RALGDS: variants seen among roughly 807,000 people sequenced by gnomAD.
The protein encoded by RALGDS is ral guanine nucleotide dissociation stimulator.
A neutral mutation model predicts 99.8 loss-of-function variants in RALGDS; 44 were observed. The ratio of observed to expected loss-of-function variants is 0.44; its 90% CI spans 0.35 to 0.57. RALGDS has a LOEUF of 0.57. RALGDS is among the 20% of genes least tolerant of loss of function. The pLI is 0.01. For synonymous variants in RALGDS, 529 were observed against 505.0 expected (o/e 1.05, Z -0.64); for missense variants, 1,022 against 1,203.1 (o/e 0.85, Z 2.23).
chr9:133,098,808 C>T (rs1406260983), intron 17 of RALGDS, 46 bp from the exon 18 acceptor site: 3 of 1,591,710 alleles, frequency 1.9e-6, no homozygotes, highest in African/African-American at 1.3e-5. Context: ...TCCTGGGGGC[C>T]CTGCAGGATA....
intron 4 of RALGDS, 121 bp downstream of exon 4, chr9:133,109,505 C>A: frequency 1.1e-6 from 1 of 922,488 alleles, no homozygotes; most frequent in South Asian, 1.3e-5. Context: ...TAGCAGGAAC[C>A]ACAAGAGGTG....
At chr9:133,148,596 G>A (rs1832665108) in intron 1 of RALGDS, among the ~76,000 whole-genome samples, 1 of 152,268 alleles carries the variant, frequency 6.6e-6, no homozygotes, top group African/African-American at 2.4e-5. Flanking sequence ...GCCTGCGCCT[G>A]TACGTGCGCG....
At chr9:133,125,794 C>T (rs1832132911), upstream of RALGDS, among the ~76,000 whole-genome samples, 1 of 152,176 alleles carries the variant, frequency 6.6e-6, no homozygotes, top group Admixed American at 6.5e-5. Flanking sequence ...CTGAGGCTCC[C>T]AGCAGTCCTC....
At chr9:133,120,881 C>T in intron 1 of RALGDS, 91 bp downstream of exon 1, 2 of 1,318,348 alleles carry the variant, frequency 1.5e-6, no homozygotes, top group Non-Finnish European at 9.8e-7. Context: ...GATCGCCCGG[C>T]CCCGTCCGGG....
At chr9:133,106,959 G>C in intron 7 of RALGDS, 126 bp downstream of exon 7, 1 of 1,094,660 alleles carries the variant, frequency 9.1e-7, no homozygotes, top group Non-Finnish European at 1.4e-6. Context: ...CAGTGGGCTG[G>C]GAGAGTCAAG....
intron 1 of RALGDS, among the ~76,000 whole-genome samples, chr9:133,113,113 G>T (rs745805568): frequency 2.6e-5 from 4 of 152,190 alleles, no homozygotes; most frequent in African/African-American, 4.8e-5. Flanking sequence ...GTCCAGGGAC[G>T]GAATGAGCTT....
At chr9:133,121,626 C>T (rs1330507006), upstream of RALGDS, among the ~76,000 whole-genome samples, 1 of 152,220 alleles carries the variant, frequency 6.6e-6, no homozygotes, top group Non-Finnish European at 1.5e-5. Context: ...GAGTCAGCTA[C>T]CCCGAATTCC....
rs546483647 is a variant in RALGDS, at chr9:133,117,468, G to A, written c.183+3504C>T. 9.2e-5 allele frequency among the ~76,000 whole-genome samples: 14 copies of A among 152,312 alleles called. No homozygotes were observed. The East Asian group carries it at 2.3e-3, about 25-fold the overall frequency. On this transcript the variant is annotated intron_variant, in intron 1 of 17. Coordinates refer to ENST00000372050, the MANE Select transcript of RALGDS (RefSeq NM_006266.4). ...TGCAAGCTTCCCCATGGAGGAAAAC[G>A]CCAAAACCCTCCAACGCAGGTGTCC...
At chr9:133,107,959 CCCCTG>C (rs1831153236) in intron 6 of RALGDS, 24 bp downstream of exon 6, 2 of 1,611,556 alleles carry the variant, frequency 1.2e-6, no homozygotes, top group Non-Finnish European at 1.7e-6. Context: ...GGCAGGCCCA[CCCCTG>C]CCCTGCCAAG....
At chr9:133,122,001 G>C (rs959009259), upstream of RALGDS, among the ~76,000 whole-genome samples, 6 of 152,264 alleles carry the variant, frequency 3.9e-5, no homozygotes, top group Non-Finnish European at 8.8e-5. Flanking sequence ...AGCCAGGGAG[G>C]TGGGGGAGAG....
intron 17 of RALGDS, 65 bp downstream of exon 17, chr9:133,100,203 A>C: frequency 2.1e-6 from 3 of 1,456,470 alleles, no homozygotes; most frequent in Admixed American, 3.3e-5. Flanking sequence ...AAGGCTTCCA[A>C]CCTGGGGCTG....
At chr9:133,104,820 T>TA (rs1016539856) in intron 9 of RALGDS, among the ~76,000 whole-genome samples, 1 of 151,924 alleles carries the variant, frequency 6.6e-6, no homozygotes, top group African/African-American at 2.4e-5. Flanking sequence ...TCTAAACAAA[T>TA]AAAAAAACTC....
intron 1 of RALGDS, among the ~76,000 whole-genome samples, chr9:133,118,825 C>T (rs1011648031): frequency 6.6e-6 from 1 of 152,194 alleles, no homozygotes; most frequent in Non-Finnish European, 1.5e-5. Flanking sequence ...ATCCTGGCTG[C>T]GGCCCTTGCT....
At chr9:133,111,077 G>T (rs1004886373) in intron 2 of RALGDS, among the ~76,000 whole-genome samples, 1 of 152,122 alleles carries the variant, frequency 6.6e-6, no homozygotes, top group African/African-American at 2.4e-5. Context: ...CTAAAAGAGT[G>T]AAAAAATTTT....
chr9:133,104,262 C>T lies in RALGDS; in HGVS notation c.1671+1G>A. On this transcript the variant is annotated splice_donor_variant, in intron 10 of 17. Coordinates refer to ENST00000372050, the MANE Select transcript of RALGDS (RefSeq NM_006266.4). LOFTEE classifies it high-confidence loss of function. The stretch of plus-strand genomic sequence containing the variant: ...CCCTCCGCGGCCTTGGGCACTCTCA[C>T]CGTCTCCTTCGGCCGTTTCTGGGCT... 2 of 1,613,314 alleles carry T rather than the reference C, an allele frequency of 1.2e-6. No homozygotes were observed. The highest frequency in any genetic ancestry group is 1.7e-6 in the Non-Finnish European group (2 of 1,179,298).
chr9:133,107,004 T>C (rs2301577), intron 7 of RALGDS, 81 bp downstream of exon 7: 405,687 of 1,485,848 alleles, frequency 0.27, 58,639 homozygotes, highest in Middle Eastern at 0.33. Flanking sequence ...GACTGGGGCC[T>C]GTACAGGGCC....
chr9:133,118,022 C>T (rs1451345563), intron 1 of RALGDS, among the ~76,000 whole-genome samples: 1 of 152,212 alleles, frequency 6.6e-6, no homozygotes, highest in Non-Finnish European at 1.5e-5. Flanking sequence ...TCCCGGGAAA[C>T]AGGCCAGCAT....
At position 133,102,971 on chromosome 9, in the gene RALGDS, T is replaced by C. The variant is rs1830833463; in HGVS notation, c.1792-71A>G. The C allele has an allele frequency of 2.5e-6, 4 of 1,595,666 alleles. No homozygotes were observed. The East Asian group carries it at 9.0e-5, about 36-fold the overall frequency. On this transcript the variant is annotated intron_variant, in intron 12 of 17. Transcript: ENST00000372050. ...AGCACAGGGGCCAGTCTCTGGGTCT[T>C]TGTTCTTGGGGTCCCTTCCTCCCCT...
At chr9:133,129,105 C>A in intron 1 of RALGDS, 1 of 1,556,344 alleles carries the variant, frequency 6.4e-7, no homozygotes, top group Non-Finnish European at 8.6e-7. Context: ...CCAGCCCCTC[C>A]CCGGCAGAGG....
Sources: allele counts gnomAD v4.1 joint callset (sites outside exome capture counted in the v4.1 genomes callset), GRCh38; gene constraint gnomAD v4.1.1; transcripts MANE v1.5; gene names NCBI Gene and HGNC (gene_info 2026-07-23, HGNC 2026-07-21).